Variants in PIP4K2B observed in about 807,000 individuals in gnomAD.
PIP4K2B encodes the protein phosphatidylinositol-5-phosphate 4-kinase type 2 beta, also known as phosphatidylinositol 5-phosphate 4-kinase type-2 beta.
Under a neutral mutation model 42.0 loss-of-function variants are expected in PIP4K2B, and 3 were observed. That is an observed-to-expected ratio of 0.07 (90% confidence interval 0.03 to 0.18). The LOEUF (loss-of-function observed/expected upper bound fraction) is 0.18, where lower values mean the gene tolerates loss of function less well. Among genes scored for constraint, PIP4K2B ranks in the 10% least tolerant of loss-of-function variants. PIP4K2B has a pLI of 1.00. For missense variants in PIP4K2B, 332 were observed against 562.3 expected (o/e 0.59, Z 4.14); for synonymous variants, 204 against 210.1 (o/e 0.97, Z 0.25).
intron 1 of PIP4K2B, 53 bp from the exon 2 acceptor site, chr17:38,786,973 A>C (rs1226873557): frequency 7.3e-6 from 8 of 1,093,150 alleles, no homozygotes; most frequent in Non-Finnish European, 1.1e-5. Flanking sequence ...CCTGCCTCAG[A>C]GACACTAAGC....
intron 7 of PIP4K2B, chr17:38,776,134 C>T (rs963049770): frequency 5.2e-6 from 2 of 383,184 alleles, no homozygotes; most frequent in South Asian, 1.8e-5. Context: ...CCATGCCCGG[C>T]TAATTTTGTA....
intron 1 of PIP4K2B, among the ~76,000 whole-genome samples, chr17:38,796,107 CAGCCTGGGTGACGGAGTGAG>C (rs766166514): frequency 2.0e-5 from 3 of 152,188 alleles, no homozygotes; most frequent in Non-Finnish European, 4.4e-5. Context: ...CACTGCACTC[CAGCCTGGGTGACGGAGTGAG>C]ACTCCATCAC....
At chr17:38,786,987 A>G (rs545723714) in intron 1 of PIP4K2B, 67 bp from the exon 2 acceptor site, 1 of 968,820 alleles carries the variant, frequency 1.0e-6, no homozygotes. Context: ...ACTAAGCTAC[A>G]ATGTGGATGC....
chr17:38,772,407 T>G (rs1909097171), intron 7 of PIP4K2B, among the ~76,000 whole-genome samples: 1 of 152,228 alleles, frequency 6.6e-6, no homozygotes, highest in East Asian at 1.9e-4. Flanking sequence ...ATATCCACAC[T>G]GTATGCACTA....
intron 7 of PIP4K2B, among the ~76,000 whole-genome samples, chr17:38,774,349 A>T (rs531619263): frequency 1.3e-5 from 2 of 152,322 alleles, no homozygotes; most frequent in South Asian, 4.1e-4. Flanking sequence ...AGGAAGAGGG[A>T]ACTCCTTCTG....
At chr17:38,786,321 C>T (rs1229294356) in intron 2 of PIP4K2B, among the ~76,000 whole-genome samples, 1 of 152,204 alleles carries the variant, frequency 6.6e-6, no homozygotes, top group Non-Finnish European at 1.5e-5. Context: ...GACACTGGTG[C>T]TAATCCAAGA....
chr17:38,791,406 ATTTTTTTTTTTTTT>A lies in PIP4K2B; in HGVS notation c.160-4500_160-4487del, dbSNP rs58027566. On this transcript the variant is annotated intron_variant, in intron 1 of 9. Coordinates refer to ENST00000619039, the MANE Select transcript of PIP4K2B (RefSeq NM_003559.5). ...TTTCCTAATCTGGCTCAGACTGCCA[ATTTTTTTTTTTTTT>A]TTTTTTTTTTTTTGAGATAGAGCTT... Among the ~76,000 whole-genome samples, 541 of 91,162 alleles carry A rather than the reference ATTTTTTTTTTTTTT, an allele frequency of 5.9e-3. 3 individuals are homozygous for A. Among genetic ancestry groups the A allele is most frequent in the Non-Finnish European group, 8.5e-3 (425 of 49,990 alleles). The allele number at this position is 91,162 out of a possible 152,430, so 59.8% of individuals were successfully genotyped here.
intron 3 of PIP4K2B, among the ~76,000 whole-genome samples, chr17:38,783,223 G>T (rs1321075959): frequency 1.5e-5 from 2 of 135,208 alleles, no homozygotes; most frequent in African/African-American, 2.7e-5. Flanking sequence ...AAAAAAGTCA[G>T]CTATATTTCT....
At chr17:38,779,342 T>TAGAGGGG (rs1909556458) in intron 5 of PIP4K2B, 41 bp downstream of exon 5, 1 of 1,571,600 alleles carries the variant, frequency 6.4e-7, no homozygotes, top group East Asian at 2.3e-5. Context: ...GGGGCTCAGA[T>TAGAGGGG]AGAGGGGAGG....
intron 1 of PIP4K2B, among the ~76,000 whole-genome samples, chr17:38,793,171 C>A (rs537549068): frequency 6.6e-6 from 1 of 151,854 alleles, no homozygotes; most frequent in African/African-American, 2.4e-5. Flanking sequence ...TCAAGTGATC[C>A]GCCTGCCTCG....
chr17:38,794,691 G>A (rs182900817), intron 1 of PIP4K2B, among the ~76,000 whole-genome samples: 3 of 148,736 alleles, frequency 2.0e-5, no homozygotes, highest in African/African-American at 7.4e-5. Flanking sequence ...ATGACCTTGG[G>A]TTAGGCAATG....
At chr17:38,783,881 A>T (rs1389714622) in intron 3 of PIP4K2B, among the ~76,000 whole-genome samples, 1 of 152,174 alleles carries the variant, frequency 6.6e-6, no homozygotes, top group Admixed American at 6.5e-5. Context: ...GATTACAGGC[A>T]TAAGCCACCA....
At chr17:38,784,151 A>T in intron 3 of PIP4K2B, 92 bp downstream of exon 3, 1 of 767,520 alleles carries the variant, frequency 1.3e-6, no homozygotes, top group South Asian at 1.6e-5. Flanking sequence ...CAGCACAAAA[A>T]CAGCCAACAC....
At chr17:38,788,190 ATTTATTTATTTAT>A (rs1483570522) in intron 1 of PIP4K2B, among the ~76,000 whole-genome samples, 1 of 149,722 alleles carries the variant, frequency 6.7e-6, no homozygotes, top group Non-Finnish European at 1.5e-5. Context: ...TTATTTATTT[ATTTATTTATTTAT>A]TTATTTATTT....
intron 3 of PIP4K2B, among the ~76,000 whole-genome samples, chr17:38,780,815 C>T (rs1407977928): frequency 6.6e-6 from 1 of 152,170 alleles, no homozygotes; most frequent in Non-Finnish European, 1.5e-5. Flanking sequence ...TTCCTTACCA[C>T]CTGCTCTTCA....
intron 7 of PIP4K2B, among the ~76,000 whole-genome samples, chr17:38,772,495 A>G (rs1909103519): frequency 6.6e-6 from 1 of 152,204 alleles, no homozygotes; most frequent in African/African-American, 2.4e-5. Context: ...CAGTGCTTGT[A>G]TTCAAGTAAC....
At position 38,777,789 on chromosome 17, in the gene PIP4K2B, C is replaced by T. The variant is rs1384741977; in HGVS notation, c.705G>A (p.Leu235=). 3.7e-6 allele frequency: 6 copies of T among 1,613,560 alleles called. No homozygotes were observed. The East Asian group carries it at 6.7e-5, about 18-fold the overall frequency. The change falls in exon 7 of 10, where the codon TTG becomes TTA. Residue 235 remains leucine (L), a synonymous_variant. Transcript: ENST00000619039. ...GGAAGTCATTGTCTTTGAATGTTGG[C>T]AAGTCCTTGGCCTAGGAGAGCAACA... ...EASDKEKAKD[L]PTFKDNDFLN...
intron 7 of PIP4K2B, among the ~76,000 whole-genome samples, chr17:38,771,584 G>T (rs1471984042): frequency 6.6e-6 from 1 of 151,510 alleles, no homozygotes; most frequent in African/African-American, 2.4e-5. Flanking sequence ...AAGGAGCTGT[G>T]GGAGTTTACA....
In PIP4K2B at chr17:38,799,162, G is replaced by A. The variant is rs1910815381; in HGVS notation, c.159+104C>T. On this transcript the variant is annotated intron_variant, in intron 1 of 9. Transcript: ENST00000619039. The surrounding 1 kb of genome is among the most constrained non-coding windows in gnomAD (Gnocchi z 4.4). ...GGGCGTGCAAGTGGCTTGGCGAGGG[G>A]TGGCAGGCGTCACCGGCAGGGCCTG... is the stretch of plus-strand genomic sequence containing the variant. 4 of 1,246,726 alleles carry A rather than the reference G, an allele frequency of 3.2e-6. No individual in the cohort carries two copies. The highest frequency in any genetic ancestry group is 4.3e-6 in the Non-Finnish European group (4 of 938,974). 77.2% of individuals were successfully genotyped at this position (1,246,726 alleles called of 1,614,324 possible).
Sources: allele counts gnomAD v4.1 joint callset (sites outside exome capture counted in the v4.1 genomes callset), GRCh38; gene constraint gnomAD v4.1.1; non-coding constraint Gnocchi (gnomAD v3.1); transcripts MANE v1.5; gene names NCBI Gene and HGNC (gene_info 2026-07-23, HGNC 2026-07-21).